Variants in GRHL1 observed in about 807,000 individuals in gnomAD.
GRHL1 encodes the protein grainyhead-like protein 1 homolog.
In GRHL1, 38 loss-of-function variants were observed where a neutral mutation model predicts 75.7. That is an observed-to-expected ratio of 0.50 (90% CI 0.39 to 0.66). GRHL1 has a LOEUF of 0.66. Among genes scored for constraint, GRHL1 ranks in the 30% least tolerant of loss-of-function variants. GRHL1 has a pLI of 0.00. For synonymous variants in GRHL1, 266 were observed against 279.4 expected (o/e 0.95, Z 0.48); for missense variants, 589 against 767.5 (o/e 0.77, Z 2.75).
At chr2:9,996,193 T>C in intron 13 of GRHL1, 123 bp from the exon 14 acceptor site, 1 of 757,534 alleles carries the variant, frequency 1.3e-6, no homozygotes, top group Admixed American at 2.1e-5. Context: ...CTTGTCATCC[T>C]TGATGTGAAT....
intron 8 of GRHL1, among the ~76,000 whole-genome samples, chr2:9,985,889 G>A (rs1668396295): frequency 6.6e-6 from 1 of 152,134 alleles, no homozygotes; most frequent in Non-Finnish European, 1.5e-5. Flanking sequence ...CATAAGCAGA[G>A]GTTCAGAGCT....
In GRHL1 at chr2:9,992,998, T is replaced by G. The variant is rs1668709612; in HGVS notation, c.1462-209T>G. On this transcript the variant is annotated intron_variant, in intron 11 of 15. Transcript: ENST00000324907. The surrounding 1 kb of genome is among the most constrained non-coding windows in gnomAD (Gnocchi z 4.6). ...GCTTTGTTTCAGTAAAGACTTTATT[T>G]ACATGAACTGGCTTTAGACCAGATT... 6.6e-6 allele frequency among the ~76,000 whole-genome samples: 1 copy of G among 152,236 alleles called. No individual in the cohort carries two copies. Among genetic ancestry groups the G allele is most frequent in the Non-Finnish European group, 1.5e-5 (1 of 68,040 alleles).
At chr2:9,972,500 C>T (rs570133321) in intron 8 of GRHL1, among the ~76,000 whole-genome samples, 1 of 152,286 alleles carries the variant, frequency 6.6e-6, no homozygotes, top group East Asian at 1.9e-4. Context: ...TTATGTGGAG[C>T]TCTTCTGCCC....
chr2:9,999,713 TATG>T (rs1266374159), intron 15 of GRHL1, among the ~76,000 whole-genome samples: 1 of 152,266 alleles, frequency 6.6e-6, no homozygotes, highest in African/African-American at 2.4e-5. Flanking sequence ...TTTGTCTGTC[TATG>T]ATGTTTGGCA....
In GRHL1 at chr2:9,953,935, C is replaced by T. The variant is rs1019480251; in HGVS notation, c.21-980C>T. On this transcript the variant is annotated intron_variant, in intron 1 of 15. Coordinates refer to ENST00000324907, the MANE Select transcript of GRHL1 (RefSeq NM_198182.3). Reference sequence around the variant, plus strand: ...ATAAACTGCTTTGTTTTGCTAGAGTCAGTGTTCCATTTTTTCTCTTTATTG... The same window carrying T: ...ATAAACTGCTTTGTTTTGCTAGAGTTAGTGTTCCATTTTTTCTCTTTATTG... 3.0e-4 allele frequency among the ~76,000 whole-genome samples: 45 copies of T among 152,286 alleles called. 1 individual carries two copies. The highest frequency in any genetic ancestry group is 2.9e-3 in the Admixed American group (45 of 15,294).
In GRHL1 at chr2:10,000,736, T is replaced by G; in HGVS notation, c.*29T>G. On this transcript the variant is annotated 3_prime_UTR_variant, in exon 16 of 16. Coordinates refer to ENST00000324907, the MANE Select transcript of GRHL1 (RefSeq NM_198182.3). ...CCTGCGGGCCACAGCTCCCCAGGAGTTCAGTGCAGGTGTTTCTAGATCTTA... is the reference window on the plus strand; with the variant it reads ...CCTGCGGGCCACAGCTCCCCAGGAGGTCAGTGCAGGTGTTTCTAGATCTTA... 5.7e-6 allele frequency: 7 copies of G among 1,233,994 alleles called. No individual in the cohort carries two copies. The highest frequency in any genetic ancestry group is 8.4e-6 in the Non-Finnish European group (7 of 836,150). 76.4% of individuals were successfully genotyped at this position (1,233,994 alleles called of 1,614,324 possible).
At position 9,955,015 on chromosome 2, in the gene GRHL1, C is replaced by T; in HGVS notation, c.121C>T (p.Leu41Phe). The change falls in exon 2 of 16, where the codon CTC (leucine) becomes TTC (phenylalanine). Residue 41 changes from leucine to phenylalanine, a missense_variant. Leu to Phe is a conservative substitution (Grantham distance 22, BLOSUM62 0). Coordinates refer to ENST00000324907, the MANE Select transcript of GRHL1 (RefSeq NM_198182.3). ...EAWKSFLENPLTAATKAMMSI... is the reference protein window; with the variant it reads ...EAWKSFLENPFTAATKAMMSI... ...CTGGAAATCCTTCCTGGAAAACCCTCTCACTGCAGCGACCAAAGCGATGAT... is the reference window on the plus strand; with the variant it reads ...CTGGAAATCCTTCCTGGAAAACCCTTTCACTGCAGCGACCAAAGCGATGAT... 1 of 1,613,510 alleles carries T rather than the reference C, an allele frequency of 6.2e-7. No individual in the cohort carries two copies. Among genetic ancestry groups the T allele is most frequent in the Non-Finnish European group, 8.5e-7 (1 of 1,179,416 alleles).
At chr2:9,970,823 A>C (rs1188183388) in intron 8 of GRHL1, among the ~76,000 whole-genome samples, 1 of 152,206 alleles carries the variant, frequency 6.6e-6, no homozygotes, top group East Asian at 1.9e-4. Context: ...TTTAGAGCCA[A>C]ATGGTTTATG....
In GRHL1 at chr2:9,965,343, G is replaced by A; in HGVS notation, c.1072G>A (p.Ala358Thr). Residue 358 changes from alanine (A) to threonine (T), a missense_variant, in exon 8 of 16, where the codon GCC becomes ACC. Transcript: ENST00000324907. Reference sequence around the variant, plus strand: ...TAACATCGAGGAGATTGCGTATAACGCCATTTCCTTCACATGGGACATCAA... The same window carrying A: ...TAACATCGAGGAGATTGCGTATAACACCATTTCCTTCACATGGGACATCAA... Reference protein sequence around the residue: ...ISNIEEIAYNAISFTWDINDE... With the variant: ...ISNIEEIAYNTISFTWDINDE... The A allele has an allele frequency of 6.2e-6, 10 of 1,611,582 alleles. No individual in the cohort carries two copies. The highest frequency in any genetic ancestry group is 7.6e-6 in the Non-Finnish European group (9 of 1,177,728).
intron 2 of GRHL1, 105 bp from the exon 3 acceptor site, chr2:9,958,681 G>A (rs1667142468): frequency 2.4e-6 from 2 of 822,584 alleles, no homozygotes; most frequent in Non-Finnish European, 4.0e-6. Context: ...GCAACCAGTA[G>A]ATAAATGAAT....
rs1431019967 is a variant in GRHL1 at position 9,998,801 on chromosome 2, T to C, written c.1678-164T>C. On this transcript the variant is annotated intron_variant, in intron 14 of 15. Transcript: ENST00000324907. ...ATATACGTATATATATGTACACACA[T>C]ATATATACGTATATATATGTACACA... 8.5e-5 allele frequency among the ~76,000 whole-genome samples: 4 copies of C among 47,138 alleles called. 2 individuals carry two copies. Among genetic ancestry groups the C allele is most frequent in the South Asian group, 9.2e-4 (2 of 2,180 alleles). The allele number at this position is 47,138 out of a possible 152,430, so 30.9% of individuals were successfully genotyped here.
Position 9,998,872 on chromosome 2 carries a change from A to ATG in GRHL1, c.1678-91_1678-90dup, listed in dbSNP as rs1286183926. 9.1e-6 allele frequency: 2 copies of ATG among 219,368 alleles called. 1 individual carries two copies. Among genetic ancestry groups the ATG allele is most frequent in the Non-Finnish European group, 1.5e-5 (2 of 132,374 alleles). 13.6% of individuals were successfully genotyped at this position (219,368 alleles called of 1,614,324 possible). The stretch of plus-strand genomic sequence containing the variant: ...TGTACACATATATATACGTATATAT[A>ATG]TGTACACATATATATACATATATAT... On this transcript the variant is annotated intron_variant, in intron 14 of 15. Transcript: ENST00000324907.
chr2:10,000,993 T>C lies in GRHL1; in HGVS notation c.*286T>C, dbSNP rs1669245185. ...AACTTTATTCCAAGAGTTAACAGAGTCTCTGGGAAGCTTTAGGACATCTGC... is the reference window on the plus strand; with the variant it reads ...AACTTTATTCCAAGAGTTAACAGAGCCTCTGGGAAGCTTTAGGACATCTGC... On this transcript the variant is annotated 3_prime_UTR_variant, in exon 16 of 16. Transcript: ENST00000324907. 1 of 228,370 alleles carries C rather than the reference T, an allele frequency of 4.4e-6. No homozygotes were observed. The allele number at this position is 228,370 out of a possible 1,614,324, so 14.1% of individuals were successfully genotyped here.
chr2:9,978,572 T>C (rs779781866), intron 8 of GRHL1, among the ~76,000 whole-genome samples: 3 of 152,188 alleles, frequency 2.0e-5, no homozygotes, highest in Non-Finnish European at 4.4e-5. Flanking sequence ...AGGCTATTAG[T>C]GGTTTTTCCT....
At chr2:9,979,678 G>A (rs1668112834) in intron 8 of GRHL1, among the ~76,000 whole-genome samples, 1 of 152,172 alleles carries the variant, frequency 6.6e-6, no homozygotes, top group Non-Finnish European at 1.5e-5. Context: ...ATATTTGGAT[G>A]TTGGATTATT....
intron 8 of GRHL1, among the ~76,000 whole-genome samples, chr2:9,970,621 C>G (rs1667686063): frequency 6.6e-6 from 1 of 152,144 alleles, no homozygotes; most frequent in Non-Finnish European, 1.5e-5. Context: ...CAGTTCAGTC[C>G]CCGTCCATTT....
intron 5 of GRHL1, among the ~76,000 whole-genome samples, chr2:9,963,451 G>A (rs1168560109): frequency 2.6e-5 from 4 of 152,132 alleles, no homozygotes; most frequent in African/African-American, 9.7e-5. Flanking sequence ...AGGTAATGTC[G>A]AGAATTGTGG....
intron 8 of GRHL1, among the ~76,000 whole-genome samples, chr2:9,976,303 C>T (rs771857901): frequency 3.3e-5 from 5 of 151,980 alleles, no homozygotes; most frequent in Non-Finnish European, 7.4e-5. Flanking sequence ...TGACCCTCGG[C>T]GGGGGTGGTG....
At chr2:9,982,844 A>G (rs1352092317) in intron 8 of GRHL1, among the ~76,000 whole-genome samples, 4 of 152,236 alleles carry the variant, frequency 2.6e-5, no homozygotes, top group Non-Finnish European at 4.4e-5. Flanking sequence ...ACACAAAATT[A>G]TTGTCACCAG....
Sources: gnomAD v4.1 joint callset for allele counts (sites outside exome capture counted in the v4.1 genomes callset) on GRCh38, gnomAD v4.1.1 for gene constraint, Gnocchi (gnomAD v3.1) non-coding constraint, MANE v1.5 for transcripts, NCBI Gene and HGNC (gene_info 2026-07-23, HGNC 2026-07-21) for gene names.